The following CDC25B variants were observed in gnomAD, a reference collection of about 807,000 sequenced individuals.
CDC25B encodes the protein cell division cycle 25B.
In CDC25B, 33 loss-of-function variants were observed where a neutral mutation model predicts 69.8. The observed-to-expected ratio is 0.47, with a 90% CI of 0.36 to 0.63. CDC25B has a LOEUF of 0.63. Among genes scored for constraint, CDC25B ranks in the 30% least tolerant of loss-of-function variants. The pLI is 0.00. For synonymous variants in CDC25B, 341 were observed against 314.6 expected, an observed-to-expected ratio of 1.08 and a Z score of -0.89; for missense variants, 727 against 809.1, an observed-to-expected ratio of 0.90 and a Z score of 1.23.
At chr20:3,794,508 C>T (rs1344889920), upstream of CDC25B, among the ~76,000 whole-genome samples, 2 of 99,884 alleles carry the variant, frequency 2.0e-5, no homozygotes, top group African/African-American at 4.7e-5. Context: ...ATGCAAATCT[C>T]GGGGCAGTTT....
At chr20:3,802,446 G>A in intron 11 of CDC25B, 70 bp downstream of exon 11, 1 of 1,043,620 alleles carries the variant, frequency 9.6e-7, no homozygotes, top group Non-Finnish European at 1.5e-6. Flanking sequence ...TCTAGCCCAG[G>A]GGCTGCTTGG....
chr20:3,805,026 C>A lies in CDC25B; in HGVS notation c.*65C>A. ...GGCCTGAAGCCAGCTGCCCTATGGG[C>A]CTGCCGGGCTGAGGGCCTGCTGGAG... On this transcript the variant is annotated 3_prime_UTR_variant, in exon 16 of 16. Coordinates refer to ENST00000245960, the MANE Select transcript of CDC25B (RefSeq NM_021873.4). 6.5e-7 allele frequency: 1 copy of A among 1,542,636 alleles called. No individual in the cohort carries two copies. Among genetic ancestry groups the A allele is most frequent in the Non-Finnish European group, 8.7e-7 (1 of 1,143,936 alleles).
At position 3,800,140 on chromosome 20, in the gene CDC25B, G is replaced by T. The variant is rs943858570; in HGVS notation, c.381-148G>T. 2.3e-4 allele frequency: 150 copies of T among 655,876 alleles called. 2 individuals carry two copies. Among genetic ancestry groups the T allele is most frequent in the Non-Finnish European group, 5.4e-5 (20 of 371,480 alleles). 40.6% of individuals were successfully genotyped at this position (655,876 alleles called of 1,614,324 possible). ...CCCAATACCTGGGCCCCCTGATGGT[G>T]GGCGTTCTTCCCACCCCACCCCTTC... On this transcript the variant is annotated intron_variant, in intron 3 of 15. Transcript: ENST00000245960.
chr20:3,800,061 T>G (rs1568506558), intron 3 of CDC25B, among the ~76,000 whole-genome samples: 1 of 152,288 alleles, frequency 6.6e-6, no homozygotes, highest in African/African-American at 2.4e-5. Flanking sequence ...CTCTGGGCTT[T>G]CTTTCATTCA....
chr20:3,796,296 T>C, upstream of CDC25B: 2 of 1,360,970 alleles, frequency 1.5e-6, no homozygotes, highest in Non-Finnish European at 1.9e-6. Flanking sequence ...GAGGTGGAAG[T>C]GGCAGCTGCA....
At chr20:3,788,251 G>A (rs2088858279) in intron 1 of CDC25B, among the ~76,000 whole-genome samples, 1 of 152,234 alleles carries the variant, frequency 6.6e-6, no homozygotes, top group Admixed American at 6.5e-5. Flanking sequence ...AAGGAAGAAA[G>A]TGTAACTCAC....
chr20:3,797,835 C>A, intron 2 of CDC25B, 86 bp downstream of exon 2: 2 of 1,519,252 alleles, frequency 1.3e-6, no homozygotes, highest in Admixed American at 1.7e-5. Context: ...CCCTGCCGAT[C>A]AAACTAACAT....
In CDC25B at chr20:3,799,190, G is replaced by A. The variant is rs573453263; in HGVS notation, c.380+727G>A. Among the ~76,000 whole-genome samples the A allele has an allele frequency of 7.2e-5, 11 of 152,318 alleles. No individual in the cohort carries two copies. The East Asian group carries it at 2.1e-3, about 29-fold the overall frequency. On this transcript the variant is annotated intron_variant, in intron 3 of 15. Coordinates refer to ENST00000245960, the MANE Select transcript of CDC25B (RefSeq NM_021873.4). ...GGCTTTGGGTTTAGGATAGTGACTT[G>A]TCTTACCTCCCATTGCCTTTGATCA...
chr20:3,798,341 A>AAAT, intron 2 of CDC25B, 71 bp from the exon 3 acceptor site: 1 of 425,618 alleles, frequency 2.3e-6, no homozygotes, highest in Non-Finnish European at 3.9e-6. Context: ...TTTTTTTCAT[A>AAAT]TTGGGACATG....
Position 3,796,442 on chromosome 20 carries a change from G to A in CDC25B, c.-90G>A. 1.1e-6 allele frequency: 1 copy of A among 936,114 alleles called. No homozygotes were observed. Among genetic ancestry groups the A allele is most frequent in the Non-Finnish European group, 1.2e-6 (1 of 803,562 alleles). The allele number at this position is 936,114 out of a possible 1,614,324, so 58.0% of individuals were successfully genotyped here. A position where few individuals can be genotyped will look rare whatever the true frequency, so the allele number is the denominator to read the frequency against. ...TTCCCCCCCCCCCCACCCCTCGCCCGCTGCCTCCCTCGGCCCAGCCAGCTG... is the reference window on the plus strand; with the variant it reads ...TTCCCCCCCCCCCCACCCCTCGCCCACTGCCTCCCTCGGCCCAGCCAGCTG... On this transcript the variant is annotated 5_prime_UTR_variant, in exon 1 of 16. Transcript: ENST00000245960.
chr20:3,795,286 G>A (rs2088997239), upstream of CDC25B, among the ~76,000 whole-genome samples: 1 of 152,078 alleles, frequency 6.6e-6, no homozygotes, highest in Non-Finnish European at 1.5e-5. Flanking sequence ...GCTGGAACCC[G>A]GGTGGCGGAG....
intron 1 of CDC25B, among the ~76,000 whole-genome samples, chr20:3,789,944 G>A (rs1232390333): frequency 5.3e-5 from 8 of 151,518 alleles, no homozygotes; most frequent in Non-Finnish European, 8.8e-5. Context: ...AGCGGAGATC[G>A]CGCCACTGCA....
In CDC25B at chr20:3,802,069, CT is replaced by C; in HGVS notation, c.1068del (p.Pro357LeufsTer36). 6.4e-7 allele frequency: 1 copy of C among 1,560,058 alleles called. No homozygotes were observed. The highest frequency in any genetic ancestry group is 8.7e-7 in the Non-Finnish European group (1 of 1,151,694). On this transcript the variant is annotated frameshift_variant, in exon 10 of 16. Transcript: ENST00000245960. LOFTEE classifies it high-confidence loss of function. Reference protein sequence around the residue: ...VQNKRRRSVTPPEEQQEAEEP... With the variant: ...VQNKRRRSVTXPEEQQEAEEP... ...AATAAGCGGAGGCGGAGCGTGACCC[CT>C]CCTGAGGAGCAGCAGGAGGCTGAGG...
At chr20:3,800,944 G>T (rs1484510661) in intron 6 of CDC25B, 27 bp from the exon 7 acceptor site, 1 of 1,613,294 alleles carries the variant, frequency 6.2e-7, no homozygotes, top group Non-Finnish European at 8.5e-7. Flanking sequence ...GGCATGTGAG[G>T]ACCCTCCTCT....
At chr20:3,795,372 CA>C (rs758801099), upstream of CDC25B, among the ~76,000 whole-genome samples, 5 of 91,216 alleles carry the variant, frequency 5.5e-5, no homozygotes, top group East Asian at 1.1e-3. Context: ...AAAAACAAAA[CA>C]AAACAAAAAG....
Position 3,801,949 on chromosome 20 carries a change from A to G in CDC25B, c.947A>G (p.Gln316Arg). The G allele has an allele frequency of 6.2e-7, 1 of 1,612,570 alleles. No homozygotes were observed. The highest frequency in any genetic ancestry group is 1.1e-5 in the South Asian group (1 of 90,744). The change falls in exon 10 of 16, where the codon CAG becomes CGG. Residue 316 changes from glutamine (Q) to arginine (R), a missense_variant. Gln to Arg is a conservative substitution (Grantham distance 43). This residue lies in a region of CDC25B where 359 missense variants were observed against 463.4 expected (regional missense o/e 0.77). Coordinates refer to ENST00000245960, the MANE Select transcript of CDC25B (RefSeq NM_021873.4). ...EKDLVMYSKC[Q>R]RLFRSPSMPC... The stretch of plus-strand genomic sequence containing the variant: ...GACCTCGTCATGTACAGCAAGTGCC[A>G]GCGGCTCTTCCGCTCTCCGTCCATG...
At position 3,798,663 on chromosome 20, in the gene CDC25B, A is replaced by G. The variant is rs551009713; in HGVS notation, c.380+200A>G. Among the ~76,000 whole-genome samples, 3 of 152,268 alleles carry G rather than the reference A, an allele frequency of 2.0e-5. No individual in the cohort carries two copies. In the South Asian group the frequency reaches 6.2e-4, roughly 32 times the overall value. Reference sequence around the variant, plus strand: ...CTGTCTCAGAGAAGGATCTGCTCTCATGGGAGCCAACCGAGTGTGGGCTCA... The same window carrying G: ...CTGTCTCAGAGAAGGATCTGCTCTCGTGGGAGCCAACCGAGTGTGGGCTCA... On this transcript the variant is annotated intron_variant, in intron 3 of 15. Coordinates refer to ENST00000245960, the MANE Select transcript of CDC25B (RefSeq NM_021873.4).
In CDC25B at chr20:3,804,888, T is replaced by C. The variant is rs2089423146; in HGVS notation, c.1670T>C (p.Phe557Ser). Reference protein sequence around the residue: ...HEAFKDELKTFRLKTRSWAGE... With the variant: ...HEAFKDELKTSRLKTRSWAGE... The stretch of plus-strand genomic sequence containing the variant: ...GCCTTCAAGGATGAGCTAAAGACCT[T>C]CCGCCTCAAGACTCGCAGCTGGGCT... Residue 557 changes from phenylalanine (F) to serine (S), a missense_variant, in exon 16 of 16, where the codon TTC (phenylalanine) becomes TCC (serine). Transcript: ENST00000245960. 2 of 1,613,992 alleles carry C rather than the reference T, an allele frequency of 1.2e-6. No homozygotes were observed. The highest frequency in any genetic ancestry group is 1.7e-6 in the Non-Finnish European group (2 of 1,180,026).
In CDC25B at chr20:3,800,123, C is replaced by G. The variant is rs114963865; in HGVS notation, c.381-165C>G. On this transcript the variant is annotated intron_variant, in intron 3 of 15. Transcript: ENST00000245960. ...CTCTTATCTTCCCCCTCCCCAATAC[C>G]TGGGCCCCCTGATGGTGGGCGTTCT... Among the ~76,000 whole-genome samples, 276 of 152,196 alleles carry G rather than the reference C, an allele frequency of 1.8e-3. No individual in the cohort carries two copies. The Middle Eastern group carries it at 0.024, about 13-fold the overall frequency.
Sources: allele counts gnomAD v4.1 joint callset (sites outside exome capture counted in the v4.1 genomes callset), GRCh38; gene constraint gnomAD v4.1.1; regional missense constraint gnomAD v4.1.1; transcripts MANE v1.5; gene names NCBI Gene and HGNC (gene_info 2026-07-23, HGNC 2026-07-21).